Variants in NPC1 observed in about 807,000 individuals in gnomAD.
NPC1 encodes the protein NPC intracellular cholesterol transporter 1, also known as Niemann-Pick C1 protein.
NPC1 carries 85 observed loss-of-function variants against 140.4 expected under a neutral mutation model. That is an observed-to-expected ratio of 0.61 (90% CI 0.51 to 0.72). The LOEUF (loss-of-function observed/expected upper bound fraction) is 0.72. Among genes scored for constraint, NPC1 ranks in the 30% least tolerant of loss-of-function variants. The probability of loss-of-function intolerance (pLI) is 0.00; values close to 1 mark genes in which losing one functional copy is unlikely to be tolerated. For missense variants in NPC1, 1,504 were observed against 1,623.8 expected, an observed-to-expected ratio of 0.93 and a Z score of 1.27; for synonymous variants, 656 against 624.8, an observed-to-expected ratio of 1.05 and a Z score of -0.74.
intron 4 of NPC1, among the ~76,000 whole-genome samples, chr18:23,561,956 T>C (rs1183151976): frequency 6.6e-6 from 1 of 152,166 alleles, no homozygotes; most frequent in East Asian, 1.9e-4. Context: ...GGAACTTACT[T>C]GGAAAACTGG....
intron 6 of NPC1, among the ~76,000 whole-genome samples, chr18:23,558,717 G>GT (rs138429491): frequency 1.2e-3 from 182 of 150,196 alleles, no homozygotes; most frequent in Middle Eastern, 6.9e-3. Flanking sequence ...TGTACTATGA[G>GT]TTTTTTTTTT....
At chr18:23,508,440 T>A (rs1461109271) in intron 3 of NPC1, among the ~76,000 whole-genome samples, 7 of 152,194 alleles carry the variant, frequency 4.6e-5, no homozygotes, top group Non-Finnish European at 8.8e-5. Flanking sequence ...TTTCCTTTCC[T>A]CAATTTGTTG....
intron 3 of NPC1, chr18:23,507,118 T>G: frequency 2.6e-6 from 3 of 1,145,796 alleles, no homozygotes; most frequent in Non-Finnish European, 3.8e-6. Flanking sequence ...AGAGAAGGAA[T>G]CGCAAATTTT....
downstream of NPC1, among the ~76,000 whole-genome samples, chr18:23,526,285 T>G (rs2058295613): frequency 6.6e-6 from 1 of 152,222 alleles, no homozygotes; most frequent in African/African-American, 2.4e-5. Context: ...CGTGTTGACA[T>G]CTTTTTCTAT....
intron 6 of NPC1, among the ~76,000 whole-genome samples, chr18:23,557,484 G>A (rs1246245042): frequency 1.3e-5 from 2 of 152,284 alleles, no homozygotes; most frequent in South Asian, 2.1e-4. Context: ...GGCTAGGCGC[G>A]GTGGCTCACG....
chr18:23,560,664 C>T (rs778472574), intron 5 of NPC1, among the ~76,000 whole-genome samples, 184 bp from the exon 6 acceptor site: 3 of 152,072 alleles, frequency 2.0e-5, no homozygotes, highest in Non-Finnish European at 4.4e-5. Context: ...TTTAAGTTAC[C>T]TCAATAAACT....
chr18:23,586,506 GGAA>G, upstream of NPC1: 1 of 1,402,668 alleles, frequency 7.1e-7, no homozygotes, highest in Non-Finnish European at 9.2e-7. Flanking sequence ...CGGTCAGGAA[GGAA>G]GAAGGCGTCG....
At position 23,576,403 on chromosome 18, in the gene NPC1, C is replaced by T. The variant is rs1050234716; in HGVS notation, c.58-2829G>A. 7 of 881,874 alleles carry T rather than the reference C, an allele frequency of 7.9e-6. No individual in the cohort carries two copies. The East Asian group carries it at 3.6e-4, about 45-fold the overall frequency. 54.6% of individuals were successfully genotyped at this position (881,874 alleles called of 1,614,324 possible). On this transcript the variant is annotated intron_variant, in intron 1 of 24. Transcript: ENST00000269228. ...CACCTCTGCACTCCAGCCTGGACAA[C>T]AAAGTGAAAACTGGTCTCAAAAAAA... is the stretch of plus-strand genomic sequence containing the variant.
At chr18:23,529,726 A>G (rs376719486), downstream of NPC1, 3 of 1,603,358 alleles carry the variant, frequency 1.9e-6, no homozygotes, top group African/African-American at 4.0e-5. Flanking sequence ...CCTTCAAATC[A>G]TCTGGGCCCA....
intron 3 of NPC1, among the ~76,000 whole-genome samples, chr18:23,512,016 CTT>C (rs34759918): frequency 1.6e-4 from 20 of 127,202 alleles, no homozygotes; most frequent in Admixed American, 4.9e-4. Context: ...GGTAGAAAGA[CTT>C]TTTTTTTTTT....
At chr18:23,575,094 C>A (rs527848039) in intron 1 of NPC1, among the ~76,000 whole-genome samples, 61 of 152,216 alleles carry the variant, frequency 4.0e-4, no homozygotes, top group Non-Finnish European at 7.6e-4. Context: ...ATTGGCCTGT[C>A]TCTGCCTCAG....
intron 1 of NPC1, among the ~76,000 whole-genome samples, chr18:23,578,062 C>A (rs2059313518): frequency 6.6e-6 from 1 of 152,178 alleles, no homozygotes; most frequent in Non-Finnish European, 1.5e-5. Flanking sequence ...CCTTGGCCAG[C>A]CCAGAAAGGG....
intron 23 of NPC1, 77 bp downstream of exon 23, chr18:23,534,369 A>T: frequency 1.0e-6 from 1 of 987,170 alleles, no homozygotes; most frequent in South Asian, 1.3e-5. Context: ...TAAGTACAGG[A>T]TCCAGACTCT....
chr18:23,561,314 TA>T, intron 5 of NPC1, 45 bp downstream of exon 5: 1 of 1,608,424 alleles, frequency 6.2e-7, no homozygotes, highest in Non-Finnish European at 8.5e-7. Flanking sequence ...TCCTTGGCTT[TA>T]AAACAATATC....
At chr18:23,560,810 C>G (rs1444196437) in intron 5 of NPC1, among the ~76,000 whole-genome samples, 1 of 152,170 alleles carries the variant, frequency 6.6e-6, no homozygotes, top group Admixed American at 6.5e-5. Flanking sequence ...CCTCCCACCC[C>G]CTTTTTAACT....
intron 2 of NPC1, among the ~76,000 whole-genome samples, chr18:23,572,811 G>GCCT (rs1482341703): frequency 1.3e-5 from 2 of 152,184 alleles, no homozygotes; most frequent in Non-Finnish European, 2.9e-5. Flanking sequence ...CTAGCCTTCA[G>GCCT]CCAGGATAAA....
intron 11 of NPC1, among the ~76,000 whole-genome samples, chr18:23,547,083 G>T (rs189225989): frequency 8.1e-4 from 123 of 152,164 alleles, no homozygotes; most frequent in African/African-American, 2.7e-3. Flanking sequence ...CTCCCAAAGT[G>T]CTGGGACTAC....
In NPC1 at chr18:23,531,860, GGAGA is replaced by G; in HGVS notation, c.*338_*341del. On this transcript the variant is annotated 3_prime_UTR_variant, in exon 25 of 25. Coordinates refer to ENST00000269228, the MANE Select transcript of NPC1 (RefSeq NM_000271.5). ...CTTGTGGGATGGCTTACTCCTAAAA[GGAGA>G]GACAGACAGTGCATTGATTGGCCTT... 6.9e-7 allele frequency: 1 copy of G among 1,451,154 alleles called. No homozygotes were observed. The highest frequency in any genetic ancestry group is 1.5e-5 in the South Asian group (1 of 68,158). The allele number at this position is 1,451,154 out of a possible 1,614,324, so 89.9% of individuals were successfully genotyped here.
Position 23,532,130 on chromosome 18 carries a change from G to A in NPC1, c.*72C>T, listed in dbSNP as rs944513027. 51 of 1,613,888 alleles carry A rather than the reference G, an allele frequency of 3.2e-5. No homozygotes were observed. Among genetic ancestry groups the A allele is most frequent in the Non-Finnish European group, 3.6e-5 (43 of 1,179,996 alleles). ...ATCCGGTGTTCAACTTGGCCTTGCCGATGCAGCACCCGTCCAGTGGTAAAC... is the reference window on the plus strand; with the variant it reads ...ATCCGGTGTTCAACTTGGCCTTGCCAATGCAGCACCCGTCCAGTGGTAAAC... On this transcript the variant is annotated 3_prime_UTR_variant, in exon 25 of 25. Coordinates refer to ENST00000269228, the MANE Select transcript of NPC1 (RefSeq NM_000271.5).
Sources: gnomAD v4.1 joint callset for allele counts (sites outside exome capture counted in the v4.1 genomes callset) on GRCh38, gnomAD v4.1.1 for gene constraint, MANE v1.5 for transcripts, NCBI Gene and HGNC (gene_info 2026-07-23, HGNC 2026-07-21) for gene names.